Variants in TBC1D22B observed in about 807,000 individuals in gnomAD.
The protein encoded by TBC1D22B is TBC1 domain family member 22B, also known as chromosome 6 open reading frame 197.
In TBC1D22B, 32 loss-of-function variants were observed where a neutral mutation model predicts 69.1. The ratio of observed to expected loss-of-function variants is 0.46; its 90% confidence interval spans 0.35 to 0.62. TBC1D22B has a LOEUF of 0.62. Among genes scored for constraint, TBC1D22B ranks in the 20% least tolerant of loss-of-function variants. TBC1D22B has a pLI of 0.00. For missense variants in TBC1D22B, 462 were observed against 630.9 expected, an observed-to-expected ratio of 0.73 and a Z score of 2.87; for synonymous variants, 206 against 229.8, an observed-to-expected ratio of 0.90 and a Z score of 0.94.
intron 12 of TBC1D22B, among the ~76,000 whole-genome samples, chr6:37,325,819 T>G (rs1768380513): frequency 6.6e-6 from 1 of 152,060 alleles, no homozygotes; most frequent in Non-Finnish European, 1.5e-5. Context: ...CAAAGTGAGT[T>G]TCTACTTTTT....
intron 1 of TBC1D22B, 90 bp from the exon 2 acceptor site, chr6:37,269,504 C>T (rs996787535): frequency 1.6e-5 from 20 of 1,224,496 alleles, no homozygotes; most frequent in Admixed American, 3.6e-5. Context: ...ATCAAAGTCT[C>T]ATCCAATTTT....
intron 11 of TBC1D22B, 82 bp from the exon 12 acceptor site, chr6:37,317,029 C>T: frequency 6.7e-7 from 1 of 1,491,308 alleles, no homozygotes; most frequent in Non-Finnish European, 9.1e-7. Flanking sequence ...TTTCCCACCT[C>T]CCAGAAGGAA....
intron 8 of TBC1D22B, among the ~76,000 whole-genome samples, chr6:37,303,050 ACTT>A (rs1581612355): frequency 1.3e-5 from 2 of 152,318 alleles, no homozygotes; most frequent in South Asian, 4.1e-4. Context: ...AGCAAGGCAT[ACTT>A]CTTCTGTTTA....
chr6:37,323,863 G>A (rs963305883), intron 12 of TBC1D22B, among the ~76,000 whole-genome samples: 2 of 152,184 alleles, frequency 1.3e-5, no homozygotes, highest in African/African-American at 4.8e-5. Context: ...TGTGAGAAAG[G>A]GCACGGTTCC....
Position 37,282,910 on chromosome 6 carries a change from G to T in TBC1D22B, c.630G>T (p.Gly210=), listed in dbSNP as rs145541673. The T allele has an allele frequency of 6.2e-7, 1 of 1,613,844 alleles. No homozygotes were observed. Among genetic ancestry groups the T allele is most frequent in the African/African-American group, 1.3e-5 (1 of 74,882 alleles). The change falls in exon 5 of 13, where the codon GGG becomes GGT. Residue 210 remains glycine (G), a synonymous_variant. Transcript: ENST00000373491. ...AACTGAGGAAGTGTAGCTGGCCAGG[G>T]GTTCCCAGGGAGGTTCGACCTATAA... ...LDELRKCSWP[G]VPREVRPITW... is the part of the protein sequence containing the mutation.
intron 1 of TBC1D22B, among the ~76,000 whole-genome samples, chr6:37,268,332 G>A (rs932225597): frequency 6.6e-6 from 1 of 152,000 alleles, no homozygotes; most frequent in Non-Finnish European, 1.5e-5. Flanking sequence ...GGGGTCAAGC[G>A]ATCCCCCCGT....
chr6:37,264,978 C>T (rs1222933565), intron 1 of TBC1D22B, among the ~76,000 whole-genome samples: 1 of 152,166 alleles, frequency 6.6e-6, no homozygotes, highest in Non-Finnish European at 1.5e-5. Context: ...AATCATTGGG[C>T]TCTTCTGGTC....
At chr6:37,330,071 C>A (rs1370053993) in intron 12 of TBC1D22B, among the ~76,000 whole-genome samples, 1 of 152,126 alleles carries the variant, frequency 6.6e-6, no homozygotes, top group Admixed American at 6.6e-5. Flanking sequence ...TGTGAGTGGC[C>A]ACTGGCATTA....
At chr6:37,289,619 A>G (rs975875703) in intron 7 of TBC1D22B, among the ~76,000 whole-genome samples, 2 of 152,206 alleles carry the variant, frequency 1.3e-5, no homozygotes, top group African/African-American at 4.8e-5. Context: ...GGCTGATCCT[A>G]TAGAGTAGAA....
intron 2 of TBC1D22B, among the ~76,000 whole-genome samples, chr6:37,274,113 C>T (rs9349033): frequency 0.14 from 21,422 of 152,212 alleles, 1,944 homozygotes; most frequent in Non-Finnish European, 0.2. Flanking sequence ...GTATGACAAG[C>T]TTCTAAGTTT....
At chr6:37,285,928 GCTT>G (rs1334899072) in intron 6 of TBC1D22B, among the ~76,000 whole-genome samples, 1 of 152,108 alleles carries the variant, frequency 6.6e-6, no homozygotes, top group Non-Finnish European at 1.5e-5. Context: ...GCCCTTCCCC[GCTT>G]CTTACACATC....
Position 37,331,056 on chromosome 6 carries a change from C to T in TBC1D22B, c.1402C>T (p.Leu468=), listed in dbSNP as rs199588535. The T allele has an allele frequency of 2.6e-5, 42 of 1,614,106 alleles. No individual in the cohort carries two copies. The East Asian group carries it at 8.9e-4, about 34-fold the overall frequency. The stretch of plus-strand genomic sequence containing the variant: ...TCTTGCATTCCAGGGTCTCCTCATG[C>T]TGCTACAGAACCTACCTACAATACA... ...DEEDFQGLLM[L]LQNLPTIHWG... Residue 468 remains leucine (L), a synonymous_variant, in exon 13 of 13, where the codon CTG becomes TTG. Coordinates refer to ENST00000373491, the MANE Select transcript of TBC1D22B (RefSeq NM_017772.4).
chr6:37,292,438 C>G (rs1265238048), intron 8 of TBC1D22B, among the ~76,000 whole-genome samples: 1 of 152,114 alleles, frequency 6.6e-6, no homozygotes, highest in African/African-American at 2.4e-5. Flanking sequence ...ATTAAGGCAA[C>G]TAAGAAAGCT....
chr6:37,274,748 T>C (rs1766608285), intron 2 of TBC1D22B, among the ~76,000 whole-genome samples: 1 of 152,180 alleles, frequency 6.6e-6, no homozygotes, highest in African/African-American at 2.4e-5. Context: ...GATAGAGTTG[T>C]GTTTAAATAA....
chr6:37,279,675 C>T (rs559652473), intron 3 of TBC1D22B, 64 bp downstream of exon 3: 130 of 1,504,766 alleles, frequency 8.6e-5, no homozygotes, highest in Non-Finnish European at 1.1e-4. Context: ...TAAATAAAAG[C>T]GATTTTTCTT....
intron 12 of TBC1D22B, among the ~76,000 whole-genome samples, chr6:37,327,465 C>G (rs9470551): frequency 0.88 from 55,152 of 62,850 alleles, 24,395 homozygotes; most frequent in African/African-American, 0.96. Context: ...GCGACAGAGC[C>G]AGACTCCGAC....
intron 8 of TBC1D22B, among the ~76,000 whole-genome samples, chr6:37,296,289 GTAT>G (rs201228631): frequency 0.032 from 4,831 of 152,112 alleles, 235 homozygotes; most frequent in African/African-American, 0.11. Flanking sequence ...AAAAAATAAA[GTAT>G]TATTTATTTG....
At chr6:37,302,704 A>G (rs1420688357) in intron 8 of TBC1D22B, among the ~76,000 whole-genome samples, 2 of 152,246 alleles carry the variant, frequency 1.3e-5, no homozygotes, top group African/African-American at 2.4e-5. Context: ...ACTCTCGGAA[A>G]GGAAGTCCTC....
At chr6:37,329,664 A>C (rs942027872) in intron 12 of TBC1D22B, among the ~76,000 whole-genome samples, 12 of 152,348 alleles carry the variant, frequency 7.9e-5, no homozygotes, top group African/African-American at 2.9e-4. Context: ...TAACAGTCTA[A>C]GTGTAAGCAG....
Sources: gnomAD v4.1 joint callset for allele counts (sites outside exome capture counted in the v4.1 genomes callset) on GRCh38, gnomAD v4.1.1 for gene constraint, MANE v1.5 for transcripts, NCBI Gene and HGNC (gene_info 2026-07-23, HGNC 2026-07-21) for gene names.